Variants in ATXN7L2 observed in about 807,000 individuals in gnomAD.
ATXN7L2 encodes ataxin 7 like 2, also known as ataxin-7-like protein 2.
In ATXN7L2, 17 loss-of-function variants were observed where a neutral mutation model predicts 59.6. That is an observed-to-expected ratio of 0.29 (90% CI 0.20 to 0.43). ATXN7L2 has a LOEUF of 0.43. Among genes scored for constraint, ATXN7L2 ranks in the 20% least tolerant of loss-of-function variants. ATXN7L2 has a pLI of 1.00. For synonymous variants in ATXN7L2, 378 were observed against 392.5 expected (o/e 0.96, Z 0.44); for missense variants, 858 against 1,008.9 (o/e 0.85, Z 2.03).
chr1:109,489,132 G>A lies in ATXN7L2; in HGVS notation c.1133+32G>A, dbSNP rs756863896. The A allele has an allele frequency of 3.8e-6, 6 of 1,590,030 alleles. 1 individual carries two copies. Among genetic ancestry groups the A allele is most frequent in the Non-Finnish European group, 5.2e-6 (6 of 1,164,312 alleles). On this transcript the variant is annotated intron_variant, in intron 7 of 10. Transcript: ENST00000683729. ...CTAGAATCCAACCCCTACCTCACCT[G>A]GGGGTACTTGGCCCCTAAGCCATCA...
At chr1:109,485,849 C>T (rs1361005281) in intron 1 of ATXN7L2, 1 of 1,220,858 alleles carries the variant, frequency 8.2e-7, no homozygotes, top group Non-Finnish European at 1.0e-6. Flanking sequence ...TGAGAATGGA[C>T]CCACTGAAAG....
intron 5 of ATXN7L2, 100 bp downstream of exon 5, chr1:109,487,904 C>T (rs182100153): frequency 1.8e-5 from 24 of 1,369,146 alleles, no homozygotes; most frequent in Non-Finnish European, 2.3e-5. Flanking sequence ...GTTTATGGGC[C>T]TGGCCATCAC....
intron 1 of ATXN7L2, chr1:109,485,613 A>G: frequency 2.0e-6 from 2 of 986,136 alleles, no homozygotes; most frequent in Non-Finnish European, 2.4e-6. Context: ...AGAAATCTCA[A>G]GAAGAGACTC....
In ATXN7L2 at chr1:109,490,969, C is replaced by G. The variant is rs761113751; in HGVS notation, c.1502C>G (p.Pro501Arg). 2.1e-5 allele frequency: 33 copies of G among 1,593,814 alleles called. No individual in the cohort carries two copies. The highest frequency in any genetic ancestry group is 8.8e-5 in the Admixed American group (5 of 56,984). Residue 501 changes from proline to arginine, a missense_variant, in exon 10 of 11, where the codon CCG becomes CGG. Physicochemically the swap from Pro to Arg is moderately radical, Grantham distance 103. This residue lies in a region of ATXN7L2 where 734 missense variants were observed against 862.3 expected (regional missense o/e 0.85). Coordinates refer to ENST00000683729, the MANE Select transcript of ATXN7L2 (RefSeq NM_001350175.2). ...AEPPAHLVNS[P>R]LSAPLSPSST... is the part of the protein sequence containing the mutation. ...CCTCCAGCTCACCTTGTCAACTCCC[C>G]GTTATCTGCTCCCCTGAGCCCATCC...
rs1316694402 is a variant in ATXN7L2, at chr1:109,489,074, G to C, written c.1107G>C (p.Gln369His). ...GCACCTTCTCTGTTCGTGCCAAGCA[G>C]ACCTACCCATACTGTGCACTGCCCA... ...PSSTFSVRAK[Q>H]TYPYCALPRS... The change falls in exon 7 of 11, where the codon CAG becomes CAC. Residue 369 changes from glutamine to histidine, a missense_variant. Around this residue, in one of 3 missense-constraint regions of ATXN7L2, gnomAD observed 734 missense variants for 862.3 expected, o/e 0.85. Coordinates refer to ENST00000683729, the MANE Select transcript of ATXN7L2 (RefSeq NM_001350175.2). 6.2e-6 allele frequency: 10 copies of C among 1,614,026 alleles called. No individual in the cohort carries two copies. Among genetic ancestry groups the C allele is most frequent in the African/African-American group, 1.3e-5 (1 of 74,932 alleles).
Position 109,491,846 on chromosome 1 carries a change from G to C in ATXN7L2, c.2250+129G>C. ...GGGAAGTTGAGAGAGTTCCTGGACTGTTTTCTTTAGGAAGAGGTAGGTCAG... is the reference window on the plus strand; with the variant it reads ...GGGAAGTTGAGAGAGTTCCTGGACTCTTTTCTTTAGGAAGAGGTAGGTCAG... On this transcript the variant is annotated intron_variant, in intron 10 of 10. Coordinates refer to ENST00000683729, the MANE Select transcript of ATXN7L2 (RefSeq NM_001350175.2). This position sits in a 1 kb window ranked among gnomAD's most constrained non-coding sequence, Gnocchi z 4.1. 1 of 1,286,294 alleles carries C rather than the reference G, an allele frequency of 7.8e-7. No homozygotes were observed. Among genetic ancestry groups the C allele is most frequent in the Admixed American group, 2.9e-5 (1 of 34,806 alleles). The allele number at this position is 1,286,294 out of a possible 1,614,324, so 79.7% of individuals were successfully genotyped here.
chr1:109,490,985 G>A lies in ATXN7L2; in HGVS notation c.1518G>A (p.Leu506=). Residue 506 remains leucine (L), a synonymous_variant, in exon 10 of 11, where the codon CTG becomes CTA. Coordinates refer to ENST00000683729, the MANE Select transcript of ATXN7L2 (RefSeq NM_001350175.2). ...HLVNSPLSAP[L]SPSSTGTCPR... ...TCAACTCCCCGTTATCTGCTCCCCTGAGCCCATCCTCTACAGGCACCTGCC... is the reference window on the plus strand; with the variant it reads ...TCAACTCCCCGTTATCTGCTCCCCTAAGCCCATCCTCTACAGGCACCTGCC... The A allele has an allele frequency of 6.2e-7, 1 of 1,612,260 alleles. No homozygotes were observed. The highest frequency in any genetic ancestry group is 8.5e-7 in the Non-Finnish European group (1 of 1,179,108).
At chr1:109,487,345 C>A in intron 4 of ATXN7L2, 128 bp downstream of exon 4, 1 of 1,179,050 alleles carries the variant, frequency 8.5e-7, no homozygotes, top group Non-Finnish European at 1.1e-6. Flanking sequence ...CTGTCTGCAG[C>A]TTCCTTCCAT....
In ATXN7L2 at chr1:109,492,620, T is replaced by C. The variant is rs765413180; in HGVS notation, c.*20T>C. On this transcript the variant is annotated 3_prime_UTR_variant, in exon 11 of 11. Transcript: ENST00000683729. ...CATTAACGAGAAAGTGCCTGCCCAC[T>C]GCAACGGAGCCGCCAGCACCTCCTC... 1.2e-6 allele frequency: 2 copies of C among 1,613,162 alleles called. No individual in the cohort carries two copies. The highest frequency in any genetic ancestry group is 2.2e-5 in the South Asian group (2 of 91,018).
At chr1:109,489,343 AT>A in intron 7 of ATXN7L2, 1 of 553,952 alleles carries the variant, frequency 1.8e-6, no homozygotes, top group Non-Finnish European at 3.1e-6. Context: ...GGATATGAAC[AT>A]TTTCCCAGCT....
In ATXN7L2 at chr1:109,487,820, C is replaced by A; in HGVS notation, c.796+16C>A. On this transcript the variant is annotated intron_variant, in intron 5 of 10. Coordinates refer to ENST00000683729, the MANE Select transcript of ATXN7L2 (RefSeq NM_001350175.2). ...AAGATGGCTCGTGAGTAGTTGTGGTCTTGGGGGTCCAGAATGTAGAGTGGG... is the reference window on the plus strand; with the variant it reads ...AAGATGGCTCGTGAGTAGTTGTGGTATTGGGGGTCCAGAATGTAGAGTGGG... 6.3e-7 allele frequency: 1 copy of A among 1,576,120 alleles called. No homozygotes were observed. The highest frequency in any genetic ancestry group is 1.2e-5 in the South Asian group (1 of 85,988).
rs1657109969 is a variant in ATXN7L2, at chr1:109,491,890, C to T, written c.2250+173C>T. The T allele has an allele frequency of 1.7e-6, 2 of 1,189,266 alleles. No homozygotes were observed. The highest frequency in any genetic ancestry group is 1.5e-5 in the African/African-American group (1 of 65,068). The allele number at this position is 1,189,266 out of a possible 1,614,324, so 73.7% of individuals were successfully genotyped here. ...AGGTCAGTTCTTAGCAAAGTGACTC[C>T]AGCTTTTTGCCTGGTGAACCTTCCC... On this transcript the variant is annotated intron_variant, in intron 10 of 10. Coordinates refer to ENST00000683729, the MANE Select transcript of ATXN7L2 (RefSeq NM_001350175.2). This position sits in a 1 kb window ranked among gnomAD's most constrained non-coding sequence, Gnocchi z 4.1.
At chr1:109,485,910 A>C in intron 1 of ATXN7L2, 147 bp from the exon 2 acceptor site, 1 of 1,314,690 alleles carries the variant, frequency 7.6e-7, no homozygotes, top group Non-Finnish European at 9.7e-7. Context: ...TGTGGGCTTC[A>C]TACTGTTGAG....
At position 109,488,887 on chromosome 1, in the gene ATXN7L2, C is replaced by A; in HGVS notation, c.920C>A (p.Ala307Asp). ...CAGCGCCGGGAAGTCCAGGGCCGGG[C>A]CAAGGACTTTGACGTGCTGGTGGCA... ...VHQRREVQGR[A>D]KDFDVLVAEL... is the part of the protein sequence containing the mutation. Residue 307 changes from alanine to aspartate, a missense_variant, in exon 7 of 11, where the codon GCC becomes GAC. By Grantham distance (126) the Ala-to-Asp change is moderately radical. This residue lies in a region of ATXN7L2 where 734 missense variants were observed against 862.3 expected (regional missense o/e 0.85). Coordinates refer to ENST00000683729, the MANE Select transcript of ATXN7L2 (RefSeq NM_001350175.2). This position sits in a 1 kb window ranked among gnomAD's most constrained non-coding sequence, Gnocchi z 5.0. 6.2e-7 allele frequency: 1 copy of A among 1,614,116 alleles called. No individual in the cohort carries two copies. Among genetic ancestry groups the A allele is most frequent in the Non-Finnish European group, 8.5e-7 (1 of 1,180,026 alleles).
At chr1:109,489,264 C>A in intron 7 of ATXN7L2, 164 bp downstream of exon 7, 1 of 938,044 alleles carries the variant, frequency 1.1e-6, no homozygotes, top group Non-Finnish European at 1.5e-6. Flanking sequence ...AAGCAGGAGA[C>A]TCCCCTGTTT....
Position 109,487,690 on chromosome 1 carries a change from G to C in ATXN7L2, c.682G>C (p.Glu228Gln). The change falls in exon 5 of 11, where the codon GAG becomes CAG. Residue 228 changes from glutamate to glutamine, a missense_variant. Around this residue, in one of 3 missense-constraint regions of ATXN7L2, gnomAD observed 734 missense variants for 862.3 expected, o/e 0.85. Transcript: ENST00000683729. Reference sequence around the variant, plus strand: ...CCCTTCTAAAGAACCTCCTGGCAGAGAGAACATCGAGATCATCCCCAGTGA... The same window carrying C: ...CCCTTCTAAAGAACCTCCTGGCAGACAGAACATCGAGATCATCCCCAGTGA... The part of the protein sequence containing the change: ...APPSKEPPGR[E>Q]NIEIIPSEGS... The C allele has an allele frequency of 6.2e-7, 1 of 1,613,532 alleles. No individual in the cohort carries two copies. Among genetic ancestry groups the C allele is most frequent in the Admixed American group, 1.7e-5 (1 of 59,922 alleles).
At chr1:109,484,209 A>G in intron 1 of ATXN7L2, 129 bp downstream of exon 1, 1 of 1,005,264 alleles carries the variant, frequency 9.9e-7, no homozygotes, top group Non-Finnish European at 1.3e-6. Context: ...CAAACAAAGG[A>G]CCCGCCGGGT....
rs978435560 is a variant in ATXN7L2, at chr1:109,484,213, G to A, written c.127+133G>A. ...CCCCGGCCCCCCAAACAAAGGACCC[G>A]CCGGGTCCTAGTGCCCGCCCGCTCC... is the stretch of plus-strand genomic sequence containing the variant. On this transcript the variant is annotated intron_variant, in intron 1 of 10. Transcript: ENST00000683729. 4.0e-5 allele frequency: 40 copies of A among 992,234 alleles called. No individual in the cohort carries two copies. The African/African-American group carries it at 4.9e-4, about 12-fold the overall frequency. The allele number at this position is 992,234 out of a possible 1,614,324, so 61.5% of individuals were successfully genotyped here. A position where few individuals can be genotyped will look rare whatever the true frequency, so the allele number is the denominator to read the frequency against.
In ATXN7L2 at chr1:109,488,401, A is replaced by G; in HGVS notation, c.815A>G (p.Asn272Ser). 2 of 1,601,890 alleles carry G rather than the reference A, an allele frequency of 1.2e-6. No homozygotes were observed. The highest frequency in any genetic ancestry group is 1.7e-6 in the Non-Finnish European group (2 of 1,172,226). ...CCCACAGGGAAGGAGTGCGACCTCA[A>G]CAGGCAGTGTGGGGTAATAAATCCA... The part of the protein sequence containing the change: ...RKMARKECDL[N>S]RQCGVINPET... Residue 272 changes from asparagine to serine, a missense_variant, in exon 6 of 11, where the codon AAC becomes AGC. Physicochemically the swap from Asn to Ser is conservative, Grantham distance 46. This residue lies in a region of ATXN7L2 where 734 missense variants were observed against 862.3 expected (regional missense o/e 0.85). Transcript: ENST00000683729. The surrounding 1 kb of genome is among the most constrained non-coding windows in gnomAD (Gnocchi z 5.0).
Sources: allele counts gnomAD v4.1 joint callset, GRCh38; gene constraint gnomAD v4.1.1; regional missense constraint gnomAD v4.1.1; non-coding constraint Gnocchi (gnomAD v3.1); transcripts MANE v1.5; gene names NCBI Gene and HGNC (gene_info 2026-07-23, HGNC 2026-07-21).